CORO2A: variants seen among roughly 807,000 people sequenced by gnomAD.
CORO2A encodes coronin-2A.
A neutral mutation model predicts 62.4 loss-of-function variants in CORO2A; 47 were observed. The observed-to-expected ratio is 0.75, with a 90% CI of 0.60 to 0.96. The LOEUF (loss-of-function observed/expected upper bound fraction) is 0.96. Ranked by LOEUF, CORO2A falls within the 40% of genes least tolerant of loss-of-function variation. The pLI, the probability that CORO2A is intolerant of heterozygous loss-of-function variation, is 0.00. For missense variants in CORO2A, 610 were observed against 684.1 expected (o/e 0.89, Z 1.21); for synonymous variants, 273 against 268.9 (o/e 1.02, Z -0.15).
intron 2 of CORO2A, among the ~76,000 whole-genome samples, chr9:98,152,171 A>G (rs1306665746): frequency 2.0e-5 from 3 of 150,460 alleles, no homozygotes; most frequent in Non-Finnish European, 3.0e-5. Context: ...TTATTGCTCA[A>G]TGTTTAGTAG....
intron 1 of CORO2A, among the ~76,000 whole-genome samples, chr9:98,174,029 C>T (rs1248652404): frequency 1.3e-5 from 2 of 152,116 alleles, no homozygotes; most frequent in African/African-American, 2.4e-5. Context: ...ATTGCTTGAA[C>T]CTGGGAGGTG....
rs773729183 is a variant in CORO2A at position 98,129,861 on chromosome 9, C to T, written c.900G>A (p.Val300=). The T allele has an allele frequency of 8.7e-6, 14 of 1,614,042 alleles. No homozygotes were observed. The highest frequency in any genetic ancestry group is 1.2e-5 in the Non-Finnish European group (14 of 1,179,956). The change falls in exon 8 of 12, where the codon GTG becomes GTA. Residue 300 remains valine, a synonymous_variant. Transcript: ENST00000375077. Reference sequence around the variant, plus strand: ...AGCTCAGGTGAGGCTTGTCGGCGCTCACCTCGTAGTAGCGGATGTTGCCAT... The same window carrying T: ...AGCTCAGGTGAGGCTTGTCGGCGCTTACCTCGTAGTAGCGGATGTTGCCAT... ...KGDGNIRYYE[V]SADKPHLSYL...
In CORO2A at chr9:98,142,922, T is replaced by TA. The variant is rs559558992; in HGVS notation, c.202-5235dup. ...AGATTGCTCTGCTTCTAAAAGGTTT[T>TA]ACGCTGAGGACCACAGGCAGGAGCG... is the stretch of plus-strand genomic sequence containing the variant. On this transcript the variant is annotated intron_variant, in intron 2 of 11. Coordinates refer to ENST00000375077, the MANE Select transcript of CORO2A (RefSeq NM_052820.4). Among the ~76,000 whole-genome samples the TA allele has an allele frequency of 6.6e-5, 10 of 152,214 alleles. No homozygotes were observed. In the South Asian group the frequency reaches 1.9e-3, roughly 28 times the overall value.
At position 98,121,969 on chromosome 9, in the gene CORO2A, T is replaced by C. The variant is rs192977310; in HGVS notation, c.*2805A>G. On this transcript the variant is annotated 3_prime_UTR_variant, in exon 12 of 12. Transcript: ENST00000375077. ...GAGTGAGCCCCAGTGACTGAGTAAA[T>C]GGAGAATAAGACAAGGAACACGAGC... 6.6e-6 allele frequency: 1 copy of C among 151,970 alleles called. No homozygotes were observed. Among genetic ancestry groups the C allele is most frequent in the East Asian group, 1.9e-4 (1 of 5,170 alleles). The allele number at this position is 151,970 out of a possible 1,614,324, so 9.4% of individuals were successfully genotyped here. A position where few individuals can be genotyped will look rare whatever the true frequency, so the allele number is the denominator to read the frequency against.
chr9:98,123,311 C>G lies in CORO2A; in HGVS notation c.*1463G>C, dbSNP rs941924933. The stretch of plus-strand genomic sequence containing the variant: ...TCTCTCTAGGCCTTAGTTTCCCCAG[C>G]TGTAAAATGAGGAACTTGGGTCAAA... On this transcript the variant is annotated 3_prime_UTR_variant, in exon 12 of 12. Coordinates refer to ENST00000375077, the MANE Select transcript of CORO2A (RefSeq NM_052820.4). The G allele has an allele frequency of 3.9e-5, 6 of 152,186 alleles. No individual in the cohort carries two copies. The highest frequency in any genetic ancestry group is 1.4e-4 in the African/African-American group (6 of 41,436). 9.4% of individuals were successfully genotyped at this position (152,186 alleles called of 1,614,324 possible).
chr9:98,157,289 T>G, intron 2 of CORO2A, 171 bp downstream of exon 2: 1 of 623,180 alleles, frequency 1.6e-6, no homozygotes, highest in Non-Finnish European at 2.8e-6. Flanking sequence ...TCAGGACAGG[T>G]GTATTTTTCC....
intron 7 of CORO2A, among the ~76,000 whole-genome samples, chr9:98,130,378 T>G (rs1827387737): frequency 6.6e-6 from 1 of 152,212 alleles, no homozygotes; most frequent in Admixed American, 6.5e-5. Flanking sequence ...TGAGCCACTG[T>G]GCTGGGCCTG....
chr9:98,181,169 G>A (rs959550055), intron 1 of CORO2A, among the ~76,000 whole-genome samples: 4 of 152,094 alleles, frequency 2.6e-5, no homozygotes, highest in Admixed American at 2.0e-4. Flanking sequence ...CATGTTGCTT[G>A]TGTCCCCCAG....
chr9:98,172,078 T>C (rs990789256), intron 1 of CORO2A, among the ~76,000 whole-genome samples: 5 of 151,710 alleles, frequency 3.3e-5, no homozygotes, highest in African/African-American at 1.2e-4. Context: ...AGGGAGAGAA[T>C]TCTGAGGCCT....
intron 2 of CORO2A, among the ~76,000 whole-genome samples, chr9:98,147,567 G>A (rs935399109): frequency 5.3e-5 from 8 of 152,222 alleles, no homozygotes; most frequent in Middle Eastern, 3.4e-3. Flanking sequence ...CAAGTAGATC[G>A]GTATCACCTG....
intron 2 of CORO2A, among the ~76,000 whole-genome samples, chr9:98,144,422 G>C (rs946194047): frequency 5.3e-5 from 8 of 152,078 alleles, no homozygotes; most frequent in African/African-American, 1.9e-4. Flanking sequence ...CTTATGGCCT[G>C]GTCTGCTCTT....
chr9:98,157,604 T>C lies in CORO2A; in HGVS notation c.57A>G (p.Pro19=). 6.2e-7 allele frequency: 1 copy of C among 1,614,036 alleles called. No homozygotes were observed. Among genetic ancestry groups the C allele is most frequent in the South Asian group, 1.1e-5 (1 of 91,080 alleles). ...AGTCGTAGCAGTTCTCCTTGCTGGC[T>C]GGTTTGCCAAAGACATGACGGAACT... The part of the protein sequence containing the change: ...SSKFRHVFGK[P]ASKENCYDSV... The change falls in exon 2 of 12, where the codon CCA becomes CCG. Residue 19 remains proline, a synonymous_variant. Transcript: ENST00000375077.
chr9:98,166,802 A>G (rs1482474134), intron 1 of CORO2A, among the ~76,000 whole-genome samples: 1 of 152,216 alleles, frequency 6.6e-6, no homozygotes, highest in African/African-American at 2.4e-5. Context: ...GATCAGTAAA[A>G]TGTGGTATAT....
Position 98,124,844 on chromosome 9 carries a change from T to C in CORO2A, c.1508A>G (p.Gln503Arg). The C allele has an allele frequency of 6.2e-7, 1 of 1,603,748 alleles. No individual in the cohort carries two copies. Among genetic ancestry groups the C allele is most frequent in the Non-Finnish European group, 8.5e-7 (1 of 1,174,182 alleles). ...CAACTGTTTGGCCTGGACCTCTCGC[T>C]GGGTCAACAGCTCCCGGAGCCTTCG... ...EIRRLRELLT[Q>R]REVQAKQLEL... The change falls in exon 12 of 12, where the codon CAG becomes CGG. Residue 503 changes from glutamine to arginine, a missense_variant. Physicochemically the swap from Gln to Arg is conservative, Grantham distance 43. Transcript: ENST00000375077.
chr9:98,137,399 C>G (rs1020661009), intron 3 of CORO2A, among the ~76,000 whole-genome samples, 173 bp downstream of exon 3: 1 of 152,134 alleles, frequency 6.6e-6, no homozygotes, highest in Non-Finnish European at 1.5e-5. Flanking sequence ...GCCGCTAGTC[C>G]TACAGCACCA....
intron 1 of CORO2A, among the ~76,000 whole-genome samples, chr9:98,191,325 C>T (rs1320480262): frequency 6.6e-6 from 1 of 152,186 alleles, no homozygotes; most frequent in African/African-American, 2.4e-5. Context: ...CTGAACAAGC[C>T]CCAGGAAAGC....
At chr9:98,166,781 A>T (rs1447135697) in intron 1 of CORO2A, among the ~76,000 whole-genome samples, 1 of 152,196 alleles carries the variant, frequency 6.6e-6, no homozygotes, top group Non-Finnish European at 1.5e-5. Flanking sequence ...GTGTCCGTTC[A>T]CAGATGAACG....
intron 1 of CORO2A, among the ~76,000 whole-genome samples, chr9:98,191,227 G>A (rs930498040): frequency 7.9e-5 from 12 of 152,226 alleles, no homozygotes; most frequent in Non-Finnish European, 1.6e-4. Flanking sequence ...AGGGGCTCCG[G>A]CTCTCCTCAC....
rs77702835 is a variant in CORO2A at position 98,149,164 on chromosome 9, A to G, written c.201+8296T>C. Among the ~76,000 whole-genome samples the G allele has an allele frequency of 3.3e-4, 50 of 152,364 alleles. No individual in the cohort carries two copies. In the East Asian group the frequency reaches 9.6e-3, roughly 29 times the overall value. ...ACAGAATTGCACTGTACTATTTCTT[A>G]TAACTGCTTGTGAATCTACTATGAT... On this transcript the variant is annotated intron_variant, in intron 2 of 11. Transcript: ENST00000375077.
Sources: gnomAD v4.1 joint callset for allele counts (sites outside exome capture counted in the v4.1 genomes callset) on GRCh38, gnomAD v4.1.1 for gene constraint, MANE v1.5 for transcripts, NCBI Gene and HGNC (gene_info 2026-07-23, HGNC 2026-07-21) for gene names.